VPS13A: variants seen among roughly 807,000 people sequenced by gnomAD.
VPS13A encodes intermembrane lipid transfer protein VPS13A.
VPS13A carries 264 observed loss-of-function variants against 390.9 expected under a neutral mutation model. That is an observed-to-expected ratio of 0.68 (90% CI 0.61 to 0.75). VPS13A has a LOEUF of 0.75. Ranked by LOEUF, VPS13A falls within the 30% of genes least tolerant of loss-of-function variation. The probability of loss-of-function intolerance (pLI) is 0.00; values close to 1 mark genes in which losing one functional copy is unlikely to be tolerated. For synonymous variants in VPS13A, 1,231 were observed against 1,227.1 expected (o/e 1.00, Z -0.07); for missense variants, 3,409 against 3,733.9 (o/e 0.91, Z 2.27).
intron 7 of VPS13A, 130 bp from the exon 8 acceptor site, chr9:77,212,839 G>T: frequency 1.1e-6 from 1 of 916,348 alleles, no homozygotes; most frequent in Non-Finnish European, 1.7e-6. Context: ...ATTTTTTGAT[G>T]GAGTGATATG....
At chr9:77,344,328 T>C in intron 51 of VPS13A, 47 bp downstream of exon 51, 1 of 1,577,768 alleles carries the variant, frequency 6.3e-7, no homozygotes, top group Non-Finnish European at 8.7e-7. Flanking sequence ...AAAGCTAAAA[T>C]ATACTGACTA....
intron 69 of VPS13A, among the ~76,000 whole-genome samples, chr9:77,405,162 A>AATTT (rs1834544228): frequency 6.6e-6 from 1 of 152,116 alleles, no homozygotes; most frequent in South Asian, 2.1e-4. Context: ...GGAAAACAAG[A>AATTT]ATTTATTTAA....
chr9:77,258,010 T>C (rs764816421), intron 22 of VPS13A, among the ~76,000 whole-genome samples: 2 of 152,194 alleles, frequency 1.3e-5, no homozygotes, highest in Non-Finnish European at 2.9e-5. Context: ...GTATTTACAT[T>C]TACTGGGATT....
At chr9:77,284,714 TA>T (rs1394238815) in intron 31 of VPS13A, among the ~76,000 whole-genome samples, 1 of 151,990 alleles carries the variant, frequency 6.6e-6, no homozygotes, top group Admixed American at 6.6e-5. Flanking sequence ...TTTATTTTTT[TA>T]TTTTTTTTGA....
chr9:77,259,999 A>C, intron 22 of VPS13A, 87 bp from the exon 23 acceptor site: 1 of 917,408 alleles, frequency 1.1e-6, no homozygotes, highest in Admixed American at 2.8e-5. Flanking sequence ...CATTTGATTC[A>C]GATAATTTGA....
intron 59 of VPS13A, among the ~76,000 whole-genome samples, chr9:77,362,471 G>A (rs557610243): frequency 6.6e-6 from 1 of 152,152 alleles, no homozygotes; most frequent in Non-Finnish European, 1.5e-5. Context: ...TTATTCCGTC[G>A]ATCTGTGCAT....
chr9:77,295,760 C>G lies in VPS13A; in HGVS notation c.3726C>G (p.Thr1242=), dbSNP rs892941947. 16 of 1,613,900 alleles carry G rather than the reference C, an allele frequency of 9.9e-6. No individual in the cohort carries two copies. Among genetic ancestry groups the G allele is most frequent in the African/African-American group, 1.3e-5 (1 of 74,994 alleles). ...ADFGLITMTN[T]FHMITESQSS... ...TTGGACTAATTACAATGACAAATAC[C>G]TTTCATATGATAACAGAGAGCCAGA... Residue 1242 remains threonine (T), a synonymous_variant, in exon 33 of 72, where the codon ACC becomes ACG. Coordinates refer to ENST00000360280, the MANE Select transcript of VPS13A (RefSeq NM_033305.3).
chr9:77,253,981 C>G (rs926362066), intron 22 of VPS13A, among the ~76,000 whole-genome samples: 1 of 117,562 alleles, frequency 8.5e-6, no homozygotes, highest in Non-Finnish European at 1.6e-5. Context: ...GTCTCGCTGT[C>G]GCCCAGGCTG....
intron 32 of VPS13A, among the ~76,000 whole-genome samples, chr9:77,295,197 A>G (rs1343208081): frequency 1.3e-5 from 2 of 152,068 alleles, no homozygotes; most frequent in African/African-American, 4.8e-5. Context: ...TTTACCTTAC[A>G]AATATAAATA....
chr9:77,323,331 A>G lies in VPS13A; in HGVS notation c.5991+104A>G, dbSNP rs555883164. On this transcript the variant is annotated intron_variant, in intron 45 of 71. Coordinates refer to ENST00000360280, the MANE Select transcript of VPS13A (RefSeq NM_033305.3). Reference sequence around the variant, plus strand: ...TTATTACTGAAAGAATATAAACCGTAACAGTAATACAGCTGATATCAAAAA... The same window carrying G: ...TTATTACTGAAAGAATATAAACCGTGACAGTAATACAGCTGATATCAAAAA... The G allele has an allele frequency of 4.4e-6, 6 of 1,370,856 alleles. No homozygotes were observed. In the Admixed American group the frequency reaches 7.0e-5, roughly 16 times the overall value. 84.9% of individuals were successfully genotyped at this position (1,370,856 alleles called of 1,614,324 possible).
Position 77,323,603 on chromosome 9 carries a change from T to C in VPS13A, c.5991+376T>C, listed in dbSNP as rs1587582211. On this transcript the variant is annotated intron_variant, in intron 45 of 71. Transcript: ENST00000360280. Reference sequence around the variant, plus strand: ...ATTGAGGTATGTACAATAAACTGCATATATTTAAAGTTGATGACTTTTGAC... The same window carrying C: ...ATTGAGGTATGTACAATAAACTGCACATATTTAAAGTTGATGACTTTTGAC... 2.0e-5 allele frequency among the ~76,000 whole-genome samples: 3 copies of C among 152,266 alleles called. No individual in the cohort carries two copies. In the Middle Eastern group the frequency reaches 0.01, roughly 518 times the overall value.
chr9:77,263,107 C>CTTT (rs34380259), intron 23 of VPS13A, among the ~76,000 whole-genome samples: 9 of 139,360 alleles, frequency 6.5e-5, no homozygotes, highest in Non-Finnish European at 1.1e-4. Flanking sequence ...TGTTTCCCAA[C>CTTT]TTTTTTTTTT....
At chr9:77,414,656 G>A (rs1319429622) in intron 71 of VPS13A, among the ~76,000 whole-genome samples, 3 of 151,710 alleles carry the variant, frequency 2.0e-5, no homozygotes, top group East Asian at 1.9e-4. Flanking sequence ...GAGTTGATGG[G>A]TGCAGCACAC....
intron 40 of VPS13A, 40 bp from the exon 41 acceptor site, chr9:77,318,195 A>G: frequency 8.3e-7 from 1 of 1,197,710 alleles, no homozygotes; most frequent in African/African-American, 1.5e-5. Context: ...AGTATGTTTG[A>G]AAGTGTTTTG....
intron 68 of VPS13A, among the ~76,000 whole-genome samples, chr9:77,394,721 G>A (rs573301526): frequency 2.6e-5 from 4 of 152,320 alleles, no homozygotes; most frequent in African/African-American, 7.2e-5. Flanking sequence ...ACTGTCATCA[G>A]TGATCTTAGC....
chr9:77,355,771 C>A (rs368761963), intron 54 of VPS13A, among the ~76,000 whole-genome samples: 1 of 152,206 alleles, frequency 6.6e-6, no homozygotes, highest in African/African-American at 2.4e-5. Context: ...TTATCTTACA[C>A]CCCAGACCTA....
Position 77,340,505 on chromosome 9 carries a change from G to A in VPS13A, c.6981G>A (p.Val2327=). 6.2e-7 allele frequency: 1 copy of A among 1,613,068 alleles called. No homozygotes were observed. Among genetic ancestry groups the A allele is most frequent in the Non-Finnish European group, 8.5e-7 (1 of 1,179,676 alleles). ...ACAAAAGCAAATACCATATATCAGTGGCTGAAGAAGGAAATGATAAATGGC... is the reference window on the plus strand; with the variant it reads ...ACAAAAGCAAATACCATATATCAGTAGCTGAAGAAGGAAATGATAAATGGC... ...IKNKSKYHIS[V]AEEGNDKWLS... The change falls in exon 50 of 72, where the codon GTG becomes GTA. Residue 2327 remains valine, a synonymous_variant. Transcript: ENST00000360280.
chr9:77,368,224 G>T, intron 62 of VPS13A, 88 bp downstream of exon 62: 13 of 1,065,466 alleles, frequency 1.2e-5, no homozygotes, highest in Non-Finnish European at 1.8e-5. Flanking sequence ...TGGAACTATT[G>T]AGGAACTAAA....
At chr9:77,328,313 A>G (rs1477402241) in intron 45 of VPS13A, among the ~76,000 whole-genome samples, 1 of 152,180 alleles carries the variant, frequency 6.6e-6, no homozygotes, top group East Asian at 1.9e-4. Flanking sequence ...TGTGCTTTCA[A>G]AGTCAGTCTT....
Sources: allele counts gnomAD v4.1 joint callset (sites outside exome capture counted in the v4.1 genomes callset), GRCh38; gene constraint gnomAD v4.1.1; transcripts MANE v1.5; gene names NCBI Gene and HGNC (gene_info 2026-07-23, HGNC 2026-07-21).